The following RIF1 variants were observed in gnomAD, a reference collection of about 807,000 sequenced individuals.
RIF1 encodes telomere-associated protein RIF1.
Under a neutral mutation model 247.1 loss-of-function variants are expected in RIF1, and 45 were observed. The ratio of observed to expected loss-of-function variants is 0.18; its 90% CI spans 0.14 to 0.23. RIF1 has a LOEUF of 0.23. Among genes scored for constraint, RIF1 ranks in the 10% least tolerant of loss-of-function variants. The pLI is 1.00. For missense variants in RIF1, 2,967 were observed against 2,862.5 expected (o/e 1.04, Z -0.83); for synonymous variants, 1,087 against 978.8 (o/e 1.11, Z -2.06).
downstream of RIF1, among the ~76,000 whole-genome samples, chr2:151,512,404 C>T (rs535527430): frequency 6.6e-6 from 1 of 151,966 alleles, no homozygotes; most frequent in East Asian, 1.9e-4. Flanking sequence ...CAGCTGACTG[C>T]AGCCTCAACC....
In RIF1 at chr2:151,456,634, A is replaced by G. The variant is rs1695237026; in HGVS notation, c.2652+14A>G. ...CTGAACAACAAGGTAAAAATAGACA[A>G]TTCTCCATAAACCATACTTTCATGA... On this transcript the variant is annotated intron_variant, in intron 23 of 35. Transcript: ENST00000444746. 5 of 1,429,812 alleles carry G rather than the reference A, an allele frequency of 3.5e-6. No homozygotes were observed. The highest frequency in any genetic ancestry group is 1.9e-5 in the Admixed American group (1 of 52,640). 88.6% of individuals were successfully genotyped at this position (1,429,812 alleles called of 1,614,324 possible).
chr2:151,463,707 A>T lies in RIF1; in HGVS notation c.4187A>T (p.Asp1396Val). 1.2e-6 allele frequency: 2 copies of T among 1,614,028 alleles called. No individual in the cohort carries two copies. The highest frequency in any genetic ancestry group is 1.7e-6 in the Non-Finnish European group (2 of 1,179,962). ...ACACCCCCAGTAGTAATATCAGCAG[A>T]TCAAATGGTAAATGAGGATAGTCAG... ...ENTPPVVISADQMVNEDSQVQ... is the reference protein window; with the variant it reads ...ENTPPVVISAVQMVNEDSQVQ... Residue 1396 changes from aspartate (D) to valine (V), a missense_variant, in exon 30 of 36, where the codon GAT becomes GTT. Transcript: ENST00000444746.
At chr2:151,493,663 AT>A in intron 9 of RIF1, 1 of 931,292 alleles carries the variant, frequency 1.1e-6, no homozygotes, top group Non-Finnish European at 1.6e-6. Context: ...ACAAGGAAGA[AT>A]TTTTAAAGAT....
chr2:151,524,318 C>T, the RIF1 span: 1 of 1,613,712 alleles, frequency 6.2e-7, no homozygotes, highest in Non-Finnish European at 8.5e-7. Flanking sequence ...TACCTGGCTG[C>T]TCAGCTTGGC....
At chr2:151,461,619 C>T (rs530080144) in intron 27 of RIF1, among the ~76,000 whole-genome samples, 16 of 152,080 alleles carry the variant, frequency 1.1e-4, no homozygotes, top group African/African-American at 3.9e-4. Flanking sequence ...GTCTTGATCT[C>T]CTGACCTCGT....
At chr2:151,450,146 A>G (rs1158336516) in intron 20 of RIF1, among the ~76,000 whole-genome samples, 2 of 151,246 alleles carry the variant, frequency 1.3e-5, no homozygotes, top group Non-Finnish European at 2.9e-5. Flanking sequence ...CCAGCCTTTG[A>G]TGTCCCCCCC....
At chr2:151,468,188 A>T in intron 31 of RIF1, 42 bp downstream of exon 31, 2 of 1,505,090 alleles carry the variant, frequency 1.3e-6, no homozygotes, top group Non-Finnish European at 1.8e-6. Flanking sequence ...GTATACCGAC[A>T]CAGAATTACA....
intron 9 of RIF1, chr2:151,490,357 G>T: frequency 6.3e-7 from 1 of 1,583,812 alleles, no homozygotes; most frequent in Non-Finnish European, 8.6e-7. Flanking sequence ...CAAAATCAGC[G>T]CCAGGCACTT....
chr2:151,509,620 T>G (rs545897872), downstream of RIF1, among the ~76,000 whole-genome samples: 83 of 152,244 alleles, frequency 5.5e-4, 1 homozygote, highest in Middle Eastern at 3.4e-3. Flanking sequence ...GAGGTTTTTT[T>G]TTTGTTTGTT....
chr2:151,509,640 GT>G (rs1256002119), downstream of RIF1, among the ~76,000 whole-genome samples: 1 of 151,626 alleles, frequency 6.6e-6, no homozygotes, highest in African/African-American at 2.4e-5. Context: ...TTGGTTTTTT[GT>G]TTTTTGAGGC....
chr2:151,437,442 G>A (rs1325373339), intron 13 of RIF1, 91 bp downstream of exon 13: 13 of 992,760 alleles, frequency 1.3e-5, no homozygotes, highest in South Asian at 1.1e-4. Flanking sequence ...TGTAATCCCA[G>A]CACTTTGGGA....
intron 9 of RIF1, chr2:151,493,840 C>G (rs753257736): frequency 6.3e-7 from 1 of 1,580,282 alleles, no homozygotes; most frequent in South Asian, 1.2e-5. Flanking sequence ...GTGGGGGTTG[C>G]TTTCCCCAGG....
intron 10 of RIF1, chr2:151,496,232 T>C (rs2060083044): frequency 6.7e-7 from 1 of 1,483,824 alleles, no homozygotes; most frequent in Non-Finnish European, 9.2e-7. Context: ...ATAAAAGTAG[T>C]TTTTAAAATC....
the RIF1 span, chr2:151,514,801 G>T: frequency 6.6e-7 from 1 of 1,510,552 alleles, no homozygotes. Context: ...GGAAAGAAAA[G>T]ACCAAGTGGG....
chr2:151,483,820 A>G (rs537648571), downstream of RIF1, among the ~76,000 whole-genome samples: 123 of 152,162 alleles, frequency 8.1e-4, no homozygotes, highest in Non-Finnish European at 1.4e-3. Context: ...GGCCGCAGTA[A>G]ATTCTTCATG....
chr2:151,455,898 T>C (rs552731823), intron 22 of RIF1, among the ~76,000 whole-genome samples: 1 of 152,358 alleles, frequency 6.6e-6, no homozygotes, highest in East Asian at 1.9e-4. Flanking sequence ...AATTTCTGAT[T>C]GGTGGACATA....
the RIF1 span, among the ~76,000 whole-genome samples, chr2:151,526,566 T>A: frequency 6.6e-6 from 1 of 152,178 alleles, no homozygotes; most frequent in Non-Finnish European, 1.5e-5. Flanking sequence ...TATTATTCCG[T>A]CTTTACAGAG....
At chr2:151,489,505 C>T (rs907870317) in intron 9 of RIF1, among the ~76,000 whole-genome samples, 5 of 152,122 alleles carry the variant, frequency 3.3e-5, no homozygotes, top group African/African-American at 9.7e-5. Context: ...CTCAAGCAAT[C>T]CTCCCACCTC....
the RIF1 span, among the ~76,000 whole-genome samples, chr2:151,522,228 T>A: frequency 6.6e-6 from 1 of 152,206 alleles, no homozygotes; most frequent in African/African-American, 2.4e-5. Context: ...TGAATTGAGA[T>A]GTATACTGGT....
Sources: gnomAD v4.1 joint callset for allele counts (sites outside exome capture counted in the v4.1 genomes callset) on GRCh38, gnomAD v4.1.1 for gene constraint, MANE v1.5 for transcripts, NCBI Gene and HGNC (gene_info 2026-07-23, HGNC 2026-07-21) for gene names.